ACP6: variants seen among roughly 807,000 people sequenced by gnomAD.
The protein encoded by ACP6 is lysophosphatidic acid phosphatase type 6.
Under a neutral mutation model 48.1 loss-of-function variants are expected in ACP6, and 48 were observed. The observed-to-expected ratio is 1.00, with a 90% CI of 0.79 to 1.27. ACP6 has a LOEUF of 1.27. Among genes scored for constraint, ACP6 ranks in the 50% most tolerant of loss-of-function variants. The pLI is 0.00. For missense variants in ACP6, 485 were observed against 529.1 expected (o/e 0.92, Z 0.82); for synonymous variants, 172 against 204.2 (o/e 0.84, Z 1.34).
Position 147,659,380 on chromosome 1 carries a change from C to A in ACP6, c.479+16G>T, listed in dbSNP as rs1553212268. ...GACCTTAAATTAAGTGCAACATCCCCTTTCAAGTGACTCACAAGACCTCCT... is the reference window on the plus strand; with the variant it reads ...GACCTTAAATTAAGTGCAACATCCCATTTCAAGTGACTCACAAGACCTCCT... On this transcript the variant is annotated intron_variant, in intron 3 of 9. Coordinates refer to ENST00000583509, the MANE Select transcript of ACP6 (RefSeq NM_016361.5). 2.5e-6 allele frequency: 4 copies of A among 1,612,864 alleles called. No homozygotes were observed. Among genetic ancestry groups the A allele is most frequent in the South Asian group, 2.2e-5 (2 of 90,904 alleles).
intron 4 of ACP6, among the ~76,000 whole-genome samples, chr1:147,656,703 T>C (rs1471154217): frequency 6.6e-6 from 1 of 152,210 alleles, no homozygotes; most frequent in Non-Finnish European, 1.5e-5. Context: ...ACCTATCTTA[T>C]AGGGTTACTA....
chr1:147,659,343 C>A (rs1557888550), intron 3 of ACP6, 53 bp downstream of exon 3: 5 of 1,591,982 alleles, frequency 3.1e-6, no homozygotes, highest in Non-Finnish European at 4.3e-6. Context: ...GGACAGGTAT[C>A]CTCATGTTCA....
In ACP6 at chr1:147,644,674, T is replaced by C. The variant is rs1410625820; in HGVS notation, c.*2749A>G. On this transcript the variant is annotated 3_prime_UTR_variant, in exon 10 of 10. Coordinates refer to ENST00000583509, the MANE Select transcript of ACP6 (RefSeq NM_016361.5). Reference sequence around the variant, plus strand: ...GATACAACAGGAGTTACTGATGTAGTAGAGGTAGGATATGAGAAAAAGAGG... The same window carrying C: ...GATACAACAGGAGTTACTGATGTAGCAGAGGTAGGATATGAGAAAAAGAGG... 1 of 152,184 alleles carries C rather than the reference T, an allele frequency of 6.6e-6. No homozygotes were observed. The highest frequency in any genetic ancestry group is 2.4e-5 in the African/African-American group (1 of 41,428). 9.4% of individuals were successfully genotyped at this position (152,184 alleles called of 1,614,324 possible).
intron 5 of ACP6, among the ~76,000 whole-genome samples, chr1:147,635,992 A>T (rs1659288932): frequency 6.6e-6 from 1 of 152,166 alleles, no homozygotes; most frequent in South Asian, 2.1e-4. Flanking sequence ...GGGTTGGGGG[A>T]GTGGCTTTCA....
downstream of ACP6, among the ~76,000 whole-genome samples, chr1:147,640,788 G>A (rs1445996555): frequency 6.6e-6 from 1 of 152,194 alleles, no homozygotes; most frequent in Admixed American, 6.5e-5. Flanking sequence ...GCCAAACGGA[G>A]AGCGGAATCC....
At chr1:147,665,137 T>C (rs1408963933) in intron 1 of ACP6, among the ~76,000 whole-genome samples, 1 of 152,192 alleles carries the variant, frequency 6.6e-6, no homozygotes, top group Non-Finnish European at 1.5e-5. Context: ...ATTTCTCTAG[T>C]TGAAGTAGGA....
chr1:147,661,256 C>A (rs996375356), intron 1 of ACP6, among the ~76,000 whole-genome samples: 4 of 152,042 alleles, frequency 2.6e-5, no homozygotes, highest in Non-Finnish European at 5.9e-5. Flanking sequence ...TTGGCTCATC[C>A]TCTCACCTCA....
chr1:147,630,550 C>T (rs1457160156), exon 6 of ACP6: 1 of 152,178 alleles, frequency 6.6e-6, no homozygotes, highest in Non-Finnish European at 1.5e-5. Context: ...ACAGCTACCC[C>T]ATGAGCTGTT....
chr1:147,667,351 G>A (rs1660849870), intron 1 of ACP6, among the ~76,000 whole-genome samples: 1 of 151,932 alleles, frequency 6.6e-6, no homozygotes, highest in South Asian at 2.1e-4. Context: ...CCGAGTAGCT[G>A]GGATTACAGG....
At chr1:147,649,209 A>C (rs1659783260) in intron 8 of ACP6, among the ~76,000 whole-genome samples, 1 of 152,204 alleles carries the variant, frequency 6.6e-6, no homozygotes, top group East Asian at 1.9e-4. Flanking sequence ...ATACCACAAC[A>C]GTGCTTCTCC....
chr1:147,670,196 G>T lies in ACP6; in HGVS notation c.-148C>A. The T allele has an allele frequency of 1.4e-6, 1 of 714,114 alleles. No homozygotes were observed. Among genetic ancestry groups the T allele is most frequent in the Non-Finnish European group, 2.2e-6 (1 of 446,722 alleles). The allele number at this position is 714,114 out of a possible 1,614,324, so 44.2% of individuals were successfully genotyped here. A position where few individuals can be genotyped will look rare whatever the true frequency, so the allele number is the denominator to read the frequency against. ...CCCTTCAGCAAGCAGGGACCGCTGT[G>T]CCTCCCGGCCCTGAGGGAGACCCCG... On this transcript the variant is annotated 5_prime_UTR_variant, in exon 1 of 10. Transcript: ENST00000583509.
At chr1:147,659,934 G>A (rs1460762012) in intron 1 of ACP6, among the ~76,000 whole-genome samples, 159 bp from the exon 2 acceptor site, 1 of 152,186 alleles carries the variant, frequency 6.6e-6, no homozygotes, top group Non-Finnish European at 1.5e-5. Context: ...CTAAAATTAA[G>A]GGAAGAAAAG....
At chr1:147,648,144 G>A in intron 9 of ACP6, 102 bp downstream of exon 9, 1 of 1,359,114 alleles carries the variant, frequency 7.4e-7, no homozygotes, top group South Asian at 1.3e-5. Flanking sequence ...TGCCAAGAGA[G>A]ACTCCACTGG....
At chr1:147,658,154 C>T (rs1057337945) in intron 4 of ACP6, among the ~76,000 whole-genome samples, 5 of 152,224 alleles carry the variant, frequency 3.3e-5, no homozygotes, top group African/African-American at 1.2e-4. Flanking sequence ...GTATCCAACC[C>T]AGTTGAGGGC....
At position 147,646,288 on chromosome 1, in the gene ACP6, G is replaced by A. The variant is rs1372937242; in HGVS notation, c.*1135C>T. On this transcript the variant is annotated 3_prime_UTR_variant, in exon 10 of 10. Transcript: ENST00000583509. ...AGTGGAGGTGTCTTTCATTCAGATA[G>A]GGAAGTGTGTGGGAGAAGCAGGTCT... The A allele has an allele frequency of 6.6e-6, 1 of 152,158 alleles. No homozygotes were observed. Among genetic ancestry groups the A allele is most frequent in the African/African-American group, 2.4e-5 (1 of 41,390 alleles). The allele number at this position is 152,158 out of a possible 1,614,324, so 9.4% of individuals were successfully genotyped here.
chr1:147,669,829 C>T lies in ACP6; in HGVS notation c.219+1G>A, dbSNP rs1660996813. Reference sequence around the variant, plus strand: ...AGCCCCAGCCCGGGCCGACCTCTCACCTGCTCCTCCAGCGGGAGCGGCTTG... The same window carrying T: ...AGCCCCAGCCCGGGCCGACCTCTCATCTGCTCCTCCAGCGGGAGCGGCTTG... On this transcript the variant is annotated splice_donor_variant, in intron 1 of 9. Coordinates refer to ENST00000583509, the MANE Select transcript of ACP6 (RefSeq NM_016361.5). LOFTEE classifies it high-confidence loss of function. 1 of 1,581,552 alleles carries T rather than the reference C, an allele frequency of 6.3e-7. No individual in the cohort carries two copies. The highest frequency in any genetic ancestry group is 1.1e-5 in the South Asian group (1 of 87,886).
rs116353121 is a variant in ACP6, at chr1:147,648,394, G to A, written c.995C>T (p.Ala332Val). 5.2e-4 allele frequency: 844 copies of A among 1,614,112 alleles called. 3 individuals carry two copies. In the African/African-American group the frequency reaches 9.5e-3, roughly 18 times the overall value. ...CGGTATGAAGGTCACATCATGAGCC[G>A]CATAGAGATACAGCTTTCTGCAAGA... is the stretch of plus-strand genomic sequence containing the variant. Reference protein sequence around the residue: ...PDKIRKLYLYAAHDVTFIPLL... With the variant: ...PDKIRKLYLYVAHDVTFIPLL... Residue 332 changes from alanine to valine, a missense_variant, in exon 9 of 10, where the codon GCG (alanine) becomes GTG (valine). Physicochemically the swap from Ala to Val is moderately conservative, Grantham distance 64. Transcript: ENST00000583509.
chr1:147,665,943 ATACCCCTCTTCAAG>A (rs1445919968), intron 1 of ACP6, among the ~76,000 whole-genome samples: 4 of 152,228 alleles, frequency 2.6e-5, no homozygotes, highest in Non-Finnish European at 4.4e-5. Flanking sequence ...TATTTTGTGT[ATACCCCTCTTCAAG>A]GGGTAATAAA....
chr1:147,669,018 T>G (rs2148919478), intron 1 of ACP6, among the ~76,000 whole-genome samples: 1 of 152,294 alleles, frequency 6.6e-6, no homozygotes, highest in East Asian at 1.9e-4. Flanking sequence ...CCTGGGAGTT[T>G]GGGGATTTCA....
Sources: allele counts gnomAD v4.1 joint callset (sites outside exome capture counted in the v4.1 genomes callset), GRCh38; gene constraint gnomAD v4.1.1; transcripts MANE v1.5; gene names NCBI Gene and HGNC (gene_info 2026-07-23, HGNC 2026-07-21).